ARPC1A: variants seen among roughly 807,000 people sequenced by gnomAD.
ARPC1A encodes the protein actin-related protein 2/3 complex subunit 1A.
In ARPC1A, 8 loss-of-function variants were observed where a neutral mutation model predicts 46.9. The observed-to-expected ratio is 0.17, with a 90% CI of 0.10 to 0.31. The LOEUF (loss-of-function observed/expected upper bound fraction) is 0.31. Ranked by LOEUF, ARPC1A falls within the 10% of genes least tolerant of loss-of-function variation. The pLI, the probability that ARPC1A is intolerant of heterozygous loss-of-function variation, is 1.00. For synonymous variants in ARPC1A, 152 were observed against 169.0 expected (o/e 0.90, Z 0.78); for missense variants, 286 against 483.6 (o/e 0.59, Z 3.83).
rs569087903 is a variant in ARPC1A, at chr7:99,348,024, TG to T, written c.393-826del. ...GGTCCTAGACATAAATCATCTTTTT[TG>T]GATGGTGCTAGCGAATTAGAGGCTA... is the stretch of plus-strand genomic sequence containing the variant. On this transcript the variant is annotated intron_variant, in intron 4 of 9. Transcript: ENST00000262942. 2.2e-3 allele frequency among the ~76,000 whole-genome samples: 333 copies of T among 152,266 alleles called. 1 individual carries two copies. The highest frequency in any genetic ancestry group is 7.9e-3 in the African/African-American group (327 of 41,556).
intron 8 of ARPC1A, among the ~76,000 whole-genome samples, chr7:99,361,398 G>T (rs561970728): frequency 6.6e-6 from 1 of 151,882 alleles, no homozygotes; most frequent in South Asian, 2.1e-4. Context: ...CAGCTACTTG[G>T]GAGGAGTGAG....
chr7:99,344,092 C>T (rs1223853464), intron 3 of ARPC1A, among the ~76,000 whole-genome samples: 1 of 152,128 alleles, frequency 6.6e-6, no homozygotes, highest in East Asian at 1.9e-4. Context: ...ATAGACAATC[C>T]CGAGTCCCAG....
chr7:99,357,315 AT>A (rs1335852263), intron 6 of ARPC1A, among the ~76,000 whole-genome samples: 1 of 152,080 alleles, frequency 6.6e-6, no homozygotes, highest in African/African-American at 2.4e-5. Context: ...CTTCAATTCA[AT>A]GCCAACTTTA....
At chr7:99,364,342 G>A (rs1198134850) in intron 9 of ARPC1A, among the ~76,000 whole-genome samples, 1 of 145,772 alleles carries the variant, frequency 6.9e-6, no homozygotes, top group South Asian at 2.2e-4. Flanking sequence ...GCAGAATCTC[G>A]GCTCACCACA....
Position 99,353,995 on chromosome 7 carries a change from C to T in ARPC1A, c.587C>T (p.Ser196Leu). 1.2e-6 allele frequency: 2 copies of T among 1,613,994 alleles called. No individual in the cohort carries two copies. Among genetic ancestry groups the T allele is most frequent in the Non-Finnish European group, 1.7e-6 (2 of 1,179,882 alleles). Residue 196 changes from serine (S) to leucine (L), a missense_variant, in exon 6 of 10, where the codon TCA becomes TTA. Physicochemically the swap from Ser to Leu is moderately radical, Grantham distance 145. Around this residue, in one of 5 missense-constraint regions of ARPC1A, gnomAD observed 182 missense variants for 276.7 expected, o/e 0.66. Transcript: ENST00000262942. Reference protein sequence around the residue: ...GSKMPFGQLMSEFGGSGTGGW... With the variant: ...GSKMPFGQLMLEFGGSGTGGW... Reference sequence around the variant, plus strand: ...AAGATGCCTTTTGGGCAGCTGATGTCAGAGTTTGGTGGCAGTGGCACTGGT... The same window carrying T: ...AAGATGCCTTTTGGGCAGCTGATGTTAGAGTTTGGTGGCAGTGGCACTGGT...
rs56043713 is a variant in ARPC1A at position 99,332,656 on chromosome 7, T to G, written c.-29-669T>G. Among the ~76,000 whole-genome samples, 1,220 of 151,108 alleles carry G rather than the reference T, an allele frequency of 8.1e-3. 16 individuals carry two copies. Among genetic ancestry groups the G allele is most frequent in the African/African-American group, 0.026 (1,077 of 41,106 alleles). On this transcript the variant is annotated intron_variant, in intron 1 of 9. Coordinates refer to ENST00000262942, the MANE Select transcript of ARPC1A (RefSeq NM_006409.4). ...TCTCACTGTGTCGCCCAGGCTGGAG[T>G]GCAGTAGCGCGATGTCGGCTCACTG...
intron 9 of ARPC1A, among the ~76,000 whole-genome samples, 199 bp downstream of exon 9, chr7:99,363,832 G>C (rs1209938798): frequency 6.6e-6 from 1 of 151,844 alleles, no homozygotes; most frequent in African/African-American, 2.4e-5. Flanking sequence ...GCACCACCAT[G>C]CTCCGTGAAT....
At chr7:99,346,775 C>A (rs867809121) in intron 4 of ARPC1A, among the ~76,000 whole-genome samples, 2 of 152,146 alleles carry the variant, frequency 1.3e-5, no homozygotes, top group Non-Finnish European at 2.9e-5. Context: ...GTCAAGAGTT[C>A]GAAACCATCC....
At chr7:99,335,393 G>A in intron 2 of ARPC1A, 1 of 443,634 alleles carries the variant, frequency 2.3e-6, no homozygotes. Flanking sequence ...GTAAAGATGA[G>A]AGTTTATTTC....
intron 6 of ARPC1A, among the ~76,000 whole-genome samples, chr7:99,357,277 A>C (rs1256393044): frequency 6.6e-6 from 1 of 152,170 alleles, no homozygotes. Context: ...GGTATACCGC[A>C]CTAAGGGCTT....
chr7:99,344,242 AGTT>A, intron 3 of ARPC1A, 48 bp from the exon 4 acceptor site: 2 of 1,577,396 alleles, frequency 1.3e-6, no homozygotes, highest in Non-Finnish European at 1.7e-6. Context: ...CCTGTGCCGC[AGTT>A]GTTTGTCATT....
intron 1 of ARPC1A, among the ~76,000 whole-genome samples, chr7:99,331,577 T>C (rs564299042): frequency 1.2e-4 from 19 of 152,188 alleles, no homozygotes; most frequent in Non-Finnish European, 2.6e-4. Context: ...GTTTAAATTG[T>C]AATTTTCCCT....
rs562339952 is a variant in ARPC1A at position 99,341,719 on chromosome 7, T to TTAAAA, written c.170-2574_170-2573insTAAAA. 2.4e-3 allele frequency among the ~76,000 whole-genome samples: 359 copies of TTAAAA among 151,594 alleles called. 2 individuals carry two copies. Among genetic ancestry groups the TTAAAA allele is most frequent in the Admixed American group, 4.1e-3 (62 of 15,206 alleles). ...CAAAGAAATCGCCAAAAATGTGAAA[T>TTAAAA]ATTTAGTTATGTGTTTTTTTCCCTC... On this transcript the variant is annotated intron_variant, in intron 3 of 9. Coordinates refer to ENST00000262942, the MANE Select transcript of ARPC1A (RefSeq NM_006409.4).
chr7:99,341,499 C>G (rs1793356628), intron 3 of ARPC1A, among the ~76,000 whole-genome samples: 1 of 151,722 alleles, frequency 6.6e-6, no homozygotes, highest in Non-Finnish European at 1.5e-5. Flanking sequence ...ATCCCAGCTA[C>G]TCAGGAGGCT....
At chr7:99,334,416 A>T (rs1253492513) in intron 2 of ARPC1A, among the ~76,000 whole-genome samples, 1 of 152,012 alleles carries the variant, frequency 6.6e-6, no homozygotes, top group East Asian at 1.9e-4. Flanking sequence ...CAGAAAGAGC[A>T]GGATTGGGGA....
intron 1 of ARPC1A, among the ~76,000 whole-genome samples, chr7:99,332,535 G>A (rs988443296): frequency 1.3e-5 from 2 of 152,022 alleles, no homozygotes; most frequent in African/African-American, 2.4e-5. Context: ...ACCCTGAACA[G>A]AATAAATTCC....
intron 5 of ARPC1A, among the ~76,000 whole-genome samples, chr7:99,351,759 T>C (rs1242274112): frequency 1.2e-4 from 18 of 152,210 alleles, no homozygotes; most frequent in Non-Finnish European, 8.8e-5. Flanking sequence ...TCGGTTCTTT[T>C]AGGGAGCCTT....
At chr7:99,343,494 A>G (rs1793389547) in intron 3 of ARPC1A, among the ~76,000 whole-genome samples, 4 of 151,988 alleles carry the variant, frequency 2.6e-5, no homozygotes, top group Admixed American at 2.6e-4. Flanking sequence ...AAAAGAAAAG[A>G]AAATACCTCA....
In ARPC1A at chr7:99,338,277, A is replaced by G. The variant is rs199988949; in HGVS notation, c.161A>G (p.His54Arg). 5.6e-6 allele frequency: 9 copies of G among 1,602,828 alleles called. No homozygotes were observed. The East Asian group carries it at 1.8e-4, about 32-fold the overall frequency. Residue 54 changes from histidine to arginine, a missense_variant, in exon 3 of 10, where the codon CAC (histidine) becomes CGC (arginine). Transcript: ENST00000262942. ...KAHELKEHNG[H>R]ITGIDWAPKS... ...CATGAACTCAAGGAGCACAACGGACACATCACAGGTAAAGGAAGATAGCCG... is the reference window on the plus strand; with the variant it reads ...CATGAACTCAAGGAGCACAACGGACGCATCACAGGTAAAGGAAGATAGCCG...
Sources: allele counts gnomAD v4.1 joint callset (sites outside exome capture counted in the v4.1 genomes callset), GRCh38; gene constraint gnomAD v4.1.1; regional missense constraint gnomAD v4.1.1; transcripts MANE v1.5; gene names NCBI Gene and HGNC (gene_info 2026-07-23, HGNC 2026-07-21).